KHDRBS2: variants seen among roughly 807,000 people sequenced by gnomAD.
KHDRBS2 encodes the protein KH domain-containing, RNA-binding, signal transduction-associated protein 2.
A neutral mutation model predicts 44.3 loss-of-function variants in KHDRBS2; 26 were observed. That is an observed-to-expected ratio of 0.59 (90% CI 0.43 to 0.81). The LOEUF (loss-of-function observed/expected upper bound fraction) is 0.81. Ranked by LOEUF, KHDRBS2 falls within the 40% of genes least tolerant of loss-of-function variation. The probability of loss-of-function intolerance (pLI) is 0.00; values close to 1 mark genes in which losing one functional copy is unlikely to be tolerated. For missense variants in KHDRBS2, 476 were observed against 433.1 expected (o/e 1.10, Z -0.88); for synonymous variants, 194 against 151.1 (o/e 1.28, Z -2.08).
At chr6:62,010,913 T>C (rs946461403) in intron 3 of KHDRBS2, among the ~76,000 whole-genome samples, 1 of 152,128 alleles carries the variant, frequency 6.6e-6, no homozygotes, top group Non-Finnish European at 1.5e-5. Flanking sequence ...CAAATAAAAT[T>C]AGGGCCCAAA....
At chr6:62,033,377 C>A (rs1292542196) in intron 3 of KHDRBS2, among the ~76,000 whole-genome samples, 2 of 151,778 alleles carry the variant, frequency 1.3e-5, no homozygotes, top group African/African-American at 4.8e-5. Context: ...TAACACCAAA[C>A]AGATTTAACC....
chr6:61,773,960 G>A (rs1781475451), intron 6 of KHDRBS2, among the ~76,000 whole-genome samples: 1 of 152,082 alleles, frequency 6.6e-6, no homozygotes, highest in African/African-American at 2.4e-5. Context: ...TTGTAGATAA[G>A]CAGCGTTATT....
intron 6 of KHDRBS2, among the ~76,000 whole-genome samples, chr6:61,788,743 A>C (rs1784195594): frequency 6.6e-6 from 1 of 151,462 alleles, no homozygotes; most frequent in East Asian, 1.9e-4. Context: ...TTCAATTACA[A>C]GTTTTACTGA....
chr6:62,093,574 A>C (rs1385193945), intron 2 of KHDRBS2, among the ~76,000 whole-genome samples: 1 of 151,914 alleles, frequency 6.6e-6, no homozygotes, highest in Non-Finnish European at 1.5e-5. Context: ...TCATCCTACT[A>C]TGCAATGGAA....
At chr6:62,248,240 G>T (rs1387849477) in intron 1 of KHDRBS2, among the ~76,000 whole-genome samples, 1 of 151,004 alleles carries the variant, frequency 6.6e-6, no homozygotes, top group Non-Finnish European at 1.5e-5. Flanking sequence ...TAACACAAGA[G>T]AATGGGTAAT....
At chr6:61,921,386 C>T (rs1341954530) in intron 4 of KHDRBS2, among the ~76,000 whole-genome samples, 3 of 151,870 alleles carry the variant, frequency 2.0e-5, no homozygotes, top group African/African-American at 4.8e-5. Flanking sequence ...ATTATGCACA[C>T]GTTAAAGCAG....
intron 1 of KHDRBS2, among the ~76,000 whole-genome samples, chr6:62,273,358 C>T (rs989510009): frequency 6.6e-6 from 1 of 152,122 alleles, no homozygotes; most frequent in African/African-American, 2.4e-5. Context: ...TTTGTCCAAC[C>T]CTTCTCTCAG....
At chr6:62,225,380 T>C (rs1156322845) in intron 1 of KHDRBS2, among the ~76,000 whole-genome samples, 1 of 152,220 alleles carries the variant, frequency 6.6e-6, no homozygotes, top group Non-Finnish European at 1.5e-5. Context: ...TTCTCATCAA[T>C]TGTGGACTTA....
At chr6:61,738,150 TA>T (rs1279024241) in intron 6 of KHDRBS2, among the ~76,000 whole-genome samples, 2 of 152,144 alleles carry the variant, frequency 1.3e-5, no homozygotes, top group African/African-American at 2.4e-5. Flanking sequence ...ATATTTCTAC[TA>T]AAAAATACTA....
At chr6:61,620,392 T>G in the KHDRBS2 span, among the ~76,000 whole-genome samples, 14 of 152,316 alleles carry the variant, frequency 9.2e-5, no homozygotes, top group African/African-American at 3.4e-4. Flanking sequence ...CTTTCCAAAG[T>G]TCCTTTGCTG....
At chr6:61,890,259 A>C (rs1402260275) in intron 6 of KHDRBS2, among the ~76,000 whole-genome samples, 1 of 152,180 alleles carries the variant, frequency 6.6e-6, no homozygotes, top group African/African-American at 2.4e-5. Flanking sequence ...TTAAAATCTA[A>C]ATAATAATTT....
intron 8 of KHDRBS2, among the ~76,000 whole-genome samples, chr6:61,688,096 A>G (rs1767010801): frequency 6.6e-6 from 1 of 151,920 alleles, no homozygotes; most frequent in Non-Finnish European, 1.5e-5. Context: ...TAAAATTTAA[A>G]CAAACATATT....
chr6:62,192,214 G>A (rs371571679), intron 1 of KHDRBS2, among the ~76,000 whole-genome samples: 11 of 151,882 alleles, frequency 7.2e-5, no homozygotes, highest in African/African-American at 2.4e-4. Flanking sequence ...ATTATTAATT[G>A]GGAACAACCT....
chr6:61,906,281 T>C (rs1201357052), intron 4 of KHDRBS2, among the ~76,000 whole-genome samples: 2 of 152,178 alleles, frequency 1.3e-5, no homozygotes, highest in Non-Finnish European at 2.9e-5. Context: ...ATAATATGTA[T>C]ATATTTTTAT....
chr6:61,595,182 C>T, the KHDRBS2 span, among the ~76,000 whole-genome samples: 1 of 152,056 alleles, frequency 6.6e-6, no homozygotes, highest in South Asian at 2.1e-4. Flanking sequence ...TAAGCCTCAA[C>T]CTAAAAACTC....
At chr6:61,559,125 C>A in the KHDRBS2 span, among the ~76,000 whole-genome samples, 52,208 of 151,882 alleles carry the variant, frequency 0.34, 9,716 homozygotes, top group East Asian at 0.49. Context: ...TATTTACAAG[C>A]ATTATATCCA....
chr6:61,594,329 T>A, the KHDRBS2 span, among the ~76,000 whole-genome samples: 1 of 152,124 alleles, frequency 6.6e-6, no homozygotes, highest in South Asian at 2.1e-4. Flanking sequence ...GCTAGGTTGG[T>A]AATTTTATGA....
chr6:61,666,730 A>G, the KHDRBS2 span, among the ~76,000 whole-genome samples: 1 of 151,474 alleles, frequency 6.6e-6, no homozygotes, highest in African/African-American at 2.4e-5. Flanking sequence ...CAGCAAATTA[A>G]TTGTAAAACA....
At chr6:61,866,416 A>G (rs1797814398) in intron 6 of KHDRBS2, among the ~76,000 whole-genome samples, 1 of 152,186 alleles carries the variant, frequency 6.6e-6, no homozygotes, top group Non-Finnish European at 1.5e-5. Context: ...AGCAGCTCGG[A>G]TGCAGGGCAC....
Sources: gnomAD v4.1 joint callset for allele counts (sites outside exome capture counted in the v4.1 genomes callset) on GRCh38, gnomAD v4.1.1 for gene constraint, MANE v1.5 for transcripts, NCBI Gene and HGNC (gene_info 2026-07-23, HGNC 2026-07-21) for gene names.